The following CDH13 variants were observed in gnomAD, a reference collection of about 807,000 sequenced individuals.
CDH13 encodes the protein cadherin 13, also known as cadherin-13.
In CDH13, 24 loss-of-function variants were observed where a neutral mutation model predicts 63.8. That is an observed-to-expected ratio of 0.38 (90% CI 0.27 to 0.53). The LOEUF (loss-of-function observed/expected upper bound fraction) is 0.53. Ranked by LOEUF, CDH13 falls within the 20% of genes least tolerant of loss-of-function variation. The probability of loss-of-function intolerance (pLI) is 0.85; values close to 1 mark genes in which losing one functional copy is unlikely to be tolerated. For missense variants in CDH13, 1,049 were observed against 903.1 expected (o/e 1.16, Z -2.07); for synonymous variants, 503 against 355.3 (o/e 1.42, Z -4.67).
At chr16:83,248,360 C>G (rs1039128050) in intron 5 of CDH13, among the ~76,000 whole-genome samples, 1 of 152,132 alleles carries the variant, frequency 6.6e-6, no homozygotes, top group Admixed American at 6.6e-5. Context: ...TTGTTGTTTG[C>G]TACTTTTCCT....
intron 10 of CDH13, among the ~76,000 whole-genome samples, chr16:83,682,131 T>G (rs990848174): frequency 6.6e-6 from 1 of 152,224 alleles, no homozygotes; most frequent in Non-Finnish European, 1.5e-5. Context: ...CCAAAAGAAG[T>G]GCAGCATAGA....
intron 13 of CDH13, among the ~76,000 whole-genome samples, chr16:83,794,007 G>A (rs1274639659): frequency 1.3e-5 from 2 of 152,100 alleles, no homozygotes; most frequent in African/African-American, 4.8e-5. Flanking sequence ...AGAAGATGCT[G>A]CAGTGCTGCC....
intron 4 of CDH13, among the ~76,000 whole-genome samples, chr16:83,194,050 C>A (rs2038803387): frequency 6.6e-6 from 1 of 152,178 alleles, no homozygotes; most frequent in Non-Finnish European, 1.5e-5. Flanking sequence ...TTCTCTACTT[C>A]TGAGTGTTTA....
rs16958669 is a variant in CDH13, at chr16:82,793,109, G to A, written c.46-65253G>A. Among the ~76,000 whole-genome samples the A allele has an allele frequency of 8.7e-3, 1,329 of 152,324 alleles. 18 individuals carry two copies. Among genetic ancestry groups the A allele is most frequent in the African/African-American group, 0.03 (1,268 of 41,578 alleles). ...CTCATAGCACTAAGGCATTTCAGGGGCGACTAAACAAGTGGCCCATGAAAT... is the reference window on the plus strand; with the variant it reads ...CTCATAGCACTAAGGCATTTCAGGGACGACTAAACAAGTGGCCCATGAAAT... On this transcript the variant is annotated intron_variant, in intron 1 of 13. Coordinates refer to ENST00000567109, the MANE Select transcript of CDH13 (RefSeq NM_001257.5).
At chr16:82,961,262 C>T (rs771185822) in intron 2 of CDH13, among the ~76,000 whole-genome samples, 11 of 152,172 alleles carry the variant, frequency 7.2e-5, no homozygotes, top group East Asian at 3.9e-4. Context: ...CCTAAAACCC[C>T]GGCCTTTGGC....
intron 1 of CDH13, among the ~76,000 whole-genome samples, chr16:82,714,080 T>A (rs919943034): frequency 2.0e-5 from 3 of 152,148 alleles, no homozygotes; most frequent in Non-Finnish European, 2.9e-5. Context: ...ATTACAGGTG[T>A]GAGCCACTGT....
chr16:82,878,741 G>C (rs1480612895), intron 2 of CDH13, among the ~76,000 whole-genome samples: 1 of 151,682 alleles, frequency 6.6e-6, no homozygotes, highest in African/African-American at 2.4e-5. Context: ...AGGTTATTGA[G>C]AATAAAAATT....
At chr16:83,068,841 C>T (rs1037113685) in intron 3 of CDH13, among the ~76,000 whole-genome samples, 1 of 152,106 alleles carries the variant, frequency 6.6e-6, no homozygotes, top group African/African-American at 2.4e-5. Context: ...GTTCCCTGCC[C>T]CCTTGTTGTT....
intron 3 of CDH13, among the ~76,000 whole-genome samples, chr16:83,063,915 C>A (rs1451046522): frequency 1.3e-5 from 2 of 152,008 alleles, no homozygotes; most frequent in African/African-American, 2.4e-5. Context: ...AACAGTGAGA[C>A]AAGTTGGGGA....
At chr16:82,880,810 A>G (rs908048905) in intron 2 of CDH13, among the ~76,000 whole-genome samples, 2 of 152,240 alleles carry the variant, frequency 1.3e-5, no homozygotes, top group African/African-American at 4.8e-5. Flanking sequence ...AAGGCAAAGA[A>G]CATCTTTAAG....
intron 1 of CDH13, among the ~76,000 whole-genome samples, chr16:82,725,257 A>G (rs996160434): frequency 6.6e-6 from 1 of 152,084 alleles, no homozygotes; most frequent in Non-Finnish European, 1.5e-5. Flanking sequence ...CTTTCCCCAT[A>G]CTCGTTATTG....
chr16:83,187,064 G>C (rs1271635776), intron 4 of CDH13, among the ~76,000 whole-genome samples: 1 of 152,024 alleles, frequency 6.6e-6, no homozygotes, highest in Non-Finnish European at 1.5e-5. Context: ...TGCACCTCCC[G>C]AGTTCAAGTG....
chr16:83,052,800 A>AAAAAAAG (rs2030506070), intron 3 of CDH13, among the ~76,000 whole-genome samples: 5 of 148,014 alleles, frequency 3.4e-5, no homozygotes, highest in Non-Finnish European at 5.9e-5. Flanking sequence ...AAAAAAAAAA[A>AAAAAAAG]AAAAGAAAGA....
At chr16:82,665,100 C>G (rs1254295935) in intron 1 of CDH13, among the ~76,000 whole-genome samples, 1 of 152,156 alleles carries the variant, frequency 6.6e-6, no homozygotes, top group African/African-American at 2.4e-5. Flanking sequence ...TGCATTCAAA[C>G]TAGGTGAGAC....
chr16:82,681,726 C>T (rs1401630832), intron 1 of CDH13, among the ~76,000 whole-genome samples: 1 of 152,222 alleles, frequency 6.6e-6, no homozygotes, highest in Non-Finnish European at 1.5e-5. Context: ...CCTGAGGGCT[C>T]TCTCCGGCTG....
At chr16:83,222,810 G>A (rs1349931125) in intron 5 of CDH13, among the ~76,000 whole-genome samples, 1 of 152,124 alleles carries the variant, frequency 6.6e-6, no homozygotes, top group East Asian at 1.9e-4. Flanking sequence ...TAGCTGACAA[G>A]GCCAGATGAG....
In CDH13 at chr16:83,187,687, T is replaced by G. The variant is rs190180778; in HGVS notation, c.484-29658T>G. Among the ~76,000 whole-genome samples the G allele has an allele frequency of 7.4e-4, 112 of 152,298 alleles. 2 individuals are homozygous for G. The East Asian group carries it at 0.017, about 23-fold the overall frequency. On this transcript the variant is annotated intron_variant, in intron 4 of 13. Transcript: ENST00000567109. ...TGAGCTCCAGCTACATGATGAGGAC[T>G]GCTGTAAATTCCGTGGACACAGCAG...
intron 8 of CDH13, among the ~76,000 whole-genome samples, chr16:83,657,888 TCAC>T (rs1913015017): frequency 6.7e-6 from 1 of 148,850 alleles, no homozygotes; most frequent in African/African-American, 2.5e-5. Flanking sequence ...TCCCATATCA[TCAC>T]CACCAGGTCC....
intron 2 of CDH13, among the ~76,000 whole-genome samples, chr16:83,014,846 A>ATATATTTG (rs1555562649): frequency 3.5e-4 from 47 of 132,570 alleles, no homozygotes; most frequent in Non-Finnish European, 5.2e-4. Flanking sequence ...ATATTTGTAT[A>ATATATTTG]TATATATTTG....
Sources: gnomAD v4.1 joint callset for allele counts (sites outside exome capture counted in the v4.1 genomes callset) on GRCh38, gnomAD v4.1.1 for gene constraint, MANE v1.5 for transcripts, NCBI Gene and HGNC (gene_info 2026-07-23, HGNC 2026-07-21) for gene names.